The following CABLES1 variants were observed in gnomAD, a reference collection of about 807,000 sequenced individuals.
CABLES1 encodes the protein CDK5 and ABL1 enzyme substrate 1.
In CABLES1, 36 loss-of-function variants were observed where a neutral mutation model predicts 57.8. The ratio of observed to expected loss-of-function variants is 0.62; its 90% confidence interval spans 0.48 to 0.82. The LOEUF (loss-of-function observed/expected upper bound fraction) is 0.82. Among genes scored for constraint, CABLES1 ranks in the 40% least tolerant of loss-of-function variants. The pLI is 0.00. For missense variants in CABLES1, 767 were observed against 836.6 expected, an observed-to-expected ratio of 0.92 and a Z score of 1.03; for synonymous variants, 374 against 363.0, an observed-to-expected ratio of 1.03 and a Z score of -0.35.
intron 1 of CABLES1, among the ~76,000 whole-genome samples, chr18:23,147,094 A>G (rs560072735): frequency 4.1e-4 from 62 of 152,372 alleles, no homozygotes; most frequent in African/African-American, 1.4e-3. Flanking sequence ...GGGCAGGCCA[A>G]TAGAACCCTG....
At chr18:23,243,632 G>A (rs771638189) in intron 7 of CABLES1, among the ~76,000 whole-genome samples, 2 of 151,718 alleles carry the variant, frequency 1.3e-5, no homozygotes, top group Non-Finnish European at 2.9e-5. Flanking sequence ...CAGCACTTTG[G>A]GAGGCCAAGG....
intron 7 of CABLES1, among the ~76,000 whole-genome samples, chr18:23,238,069 G>A (rs575005773): frequency 1.1e-3 from 166 of 152,348 alleles, no homozygotes; most frequent in African/African-American, 3.4e-3. Flanking sequence ...CGGGCCTGGC[G>A]GGGCCGGCAC....
intron 2 of CABLES1, among the ~76,000 whole-genome samples, chr18:23,190,882 C>T (rs2047237703): frequency 6.6e-6 from 1 of 152,018 alleles, no homozygotes; most frequent in Admixed American, 6.6e-5. Context: ...CAAGACCAGC[C>T]TGGGCAATGT....
chr18:23,160,893 C>T (rs186829612), intron 1 of CABLES1, among the ~76,000 whole-genome samples: 25 of 152,172 alleles, frequency 1.6e-4, no homozygotes, highest in Admixed American at 1.4e-3. Context: ...ATTAGCCAGG[C>T]GTGGTTTCAC....
At chr18:23,248,506 C>G (rs1341653870) in intron 7 of CABLES1, among the ~76,000 whole-genome samples, 1 of 117,656 alleles carries the variant, frequency 8.5e-6, no homozygotes, top group Admixed American at 8.7e-5. Context: ...TAGCAAGACC[C>G]TATGTCTTTT....
At chr18:23,193,372 A>G (rs2047259515) in intron 2 of CABLES1, among the ~76,000 whole-genome samples, 1 of 152,024 alleles carries the variant, frequency 6.6e-6, no homozygotes, top group Non-Finnish European at 1.5e-5. Flanking sequence ...TTGTATTTTT[A>G]GTAGAGACGG....
intron 3 of CABLES1, among the ~76,000 whole-genome samples, chr18:23,203,343 C>G (rs1039531404): frequency 2.0e-5 from 3 of 151,966 alleles, no homozygotes; most frequent in Non-Finnish European, 4.4e-5. Flanking sequence ...GTCGACTGAG[C>G]TATCTCCTCC....
At chr18:23,218,112 A>G (rs2047455904) in intron 4 of CABLES1, among the ~76,000 whole-genome samples, 1 of 152,210 alleles carries the variant, frequency 6.6e-6, no homozygotes, top group African/African-American at 2.4e-5. Flanking sequence ...CATCACAAGA[A>G]AGTTCTAAAA....
At chr18:23,231,994 T>G (rs950676542) in intron 4 of CABLES1, among the ~76,000 whole-genome samples, 2 of 152,158 alleles carry the variant, frequency 1.3e-5, no homozygotes, top group Non-Finnish European at 2.9e-5. Context: ...CCAAGTTTCA[T>G]GCCATCTGCA....
intron 2 of CABLES1, chr18:23,190,197 C>T (rs1466432059): frequency 2.0e-5 from 3 of 152,290 alleles, no homozygotes; most frequent in Non-Finnish European, 4.4e-5. Context: ...TCCACATACT[C>T]AGCGAGCATG....
Position 23,193,108 on chromosome 18 carries a change from C to T in CABLES1, c.918-1340C>T, listed in dbSNP as rs566433291. 3.4e-4 allele frequency among the ~76,000 whole-genome samples: 52 copies of T among 152,226 alleles called. No individual in the cohort carries two copies. The South Asian group carries it at 0.011, about 31-fold the overall frequency. On this transcript the variant is annotated intron_variant, in intron 2 of 9. Transcript: ENST00000256925. Reference sequence around the variant, plus strand: ...TTGGGTGGGGGAGTGTCAATCCCAACCCCACTCTAACCCCTCCTGAAAGCC... The same window carrying T: ...TTGGGTGGGGGAGTGTCAATCCCAATCCCACTCTAACCCCTCCTGAAAGCC...
chr18:23,192,973 T>G (rs900452170), intron 2 of CABLES1, among the ~76,000 whole-genome samples: 4 of 152,214 alleles, frequency 2.6e-5, no homozygotes, highest in Middle Eastern at 6.8e-3. Flanking sequence ...GGGAGGATTT[T>G]GGGGCTGCAG....
chr18:23,174,858 A>ATATATATATATATG (rs2047111841), intron 1 of CABLES1, among the ~76,000 whole-genome samples: 4 of 115,882 alleles, frequency 3.5e-5, no homozygotes, highest in Admixed American at 1.7e-4. Context: ...ATATATATAT[A>ATATATATATATATG]TATGTTTTTT....
Position 23,136,495 on chromosome 18 carries a change from CAG to C in CABLES1, c.734_735del (p.Gln245ArgfsTer54). The C allele has an allele frequency of 6.2e-7, 1 of 1,601,446 alleles. No individual in the cohort carries two copies. Among genetic ancestry groups the C allele is most frequent in the Non-Finnish European group, 8.5e-7 (1 of 1,177,530 alleles). ...TCGGGGACGCCTCAACTCGTTCACTCAGGGAATCCTGCCCATCGCCTTCTCCA... is the reference window on the plus strand; with the variant it reads ...TCGGGGACGCCTCAACTCGTTCACTCGGAATCCTGCCCATCGCCTTCTCCA... The part of the protein sequence containing the change: ...GSRGRLNSFT[Q>X]GILPIAFSRP... On this transcript the variant is annotated frameshift_variant, in exon 1 of 10. Coordinates refer to ENST00000256925, the MANE Select transcript of CABLES1 (RefSeq NM_001100619.3). LOFTEE classifies it high-confidence loss of function.
chr18:23,174,821 C>CGT (rs2047110541), intron 1 of CABLES1, among the ~76,000 whole-genome samples: 1 of 94,564 alleles, frequency 1.1e-5, no homozygotes, highest in Non-Finnish European at 2.0e-5. Context: ...CATGTTACAC[C>CGT]ATATATATAT....
At chr18:23,198,133 G>A (rs541615381) in intron 3 of CABLES1, 1 of 152,188 alleles carries the variant, frequency 6.6e-6, no homozygotes, top group African/African-American at 2.4e-5. Flanking sequence ...GGTGGCATGC[G>A]ACTGTGGTCC....
At chr18:23,190,001 G>T (rs558487551) in intron 2 of CABLES1, among the ~76,000 whole-genome samples, 1 of 152,320 alleles carries the variant, frequency 6.6e-6, no homozygotes, top group African/African-American at 2.4e-5. Context: ...TCCACTTTTG[G>T]AGTCTTTTTC....
At chr18:23,213,341 T>C (rs1040370285) in intron 3 of CABLES1, among the ~76,000 whole-genome samples, 1 of 152,212 alleles carries the variant, frequency 6.6e-6, no homozygotes, top group African/African-American at 2.4e-5. Flanking sequence ...GGATAAGTGC[T>C]TTTGAGGGTT....
At chr18:23,181,527 A>AAAAAAAAT (rs2047166799) in intron 1 of CABLES1, among the ~76,000 whole-genome samples, 1 of 146,722 alleles carries the variant, frequency 6.8e-6, no homozygotes, top group Non-Finnish European at 1.5e-5. Flanking sequence ...AAAAAAAAAA[A>AAAAAAAAT]GATGCCCACT....
Sources: allele counts gnomAD v4.1 joint callset (sites outside exome capture counted in the v4.1 genomes callset), GRCh38; gene constraint gnomAD v4.1.1; transcripts MANE v1.5; gene names NCBI Gene and HGNC (gene_info 2026-07-23, HGNC 2026-07-21).